The following KALRN variants were observed in gnomAD, a reference collection of about 807,000 sequenced individuals.
KALRN encodes the protein kalirin RhoGEF kinase, also known as kalirin.
Under a neutral mutation model 353.7 loss-of-function variants are expected in KALRN, and 70 were observed. The observed-to-expected ratio is 0.20, with a 90% CI of 0.16 to 0.24. The LOEUF (loss-of-function observed/expected upper bound fraction) is 0.24, where lower values mean the gene tolerates loss of function less well. Ranked by LOEUF, KALRN falls within the 10% of genes least tolerant of loss-of-function variation. KALRN has a pLI of 1.00. For missense variants in KALRN, 2,791 were observed against 3,756.7 expected (o/e 0.74, Z 6.72); for synonymous variants, 1,391 against 1,434.8 (o/e 0.97, Z 0.69).
At chr3:124,277,262 GC>G (rs1415597585) in intron 5 of KALRN, among the ~76,000 whole-genome samples, 17 of 152,204 alleles carry the variant, frequency 1.1e-4, no homozygotes, top group African/African-American at 4.1e-4. Flanking sequence ...GAAGGGCAAG[GC>G]CTTTACGGGG....
At chr3:124,601,884 G>T (rs1561392120) in intron 34 of KALRN, among the ~76,000 whole-genome samples, 2 of 151,810 alleles carry the variant, frequency 1.3e-5, no homozygotes, top group Non-Finnish European at 2.9e-5. Flanking sequence ...AAAATAGCTG[G>T]GTTTGGTGGC....
intron 2 of KALRN, among the ~76,000 whole-genome samples, chr3:124,228,383 C>T (rs6438834): frequency 0.099 from 15,075 of 152,202 alleles, 1,139 homozygotes; most frequent in African/African-American, 0.2. Context: ...GAGGTTTTAT[C>T]TGAGTTCATT....
rs557307368 is a variant in KALRN, at chr3:124,101,937, T to C, written c.73+68124T>C. Among the ~76,000 whole-genome samples, 51 of 152,284 alleles carry C rather than the reference T, an allele frequency of 3.3e-4. No individual in the cohort carries two copies. The Middle Eastern group carries it at 0.014, about 41-fold the overall frequency. On this transcript the variant is annotated intron_variant, in intron 1 of 59. Coordinates refer to ENST00000682506, the MANE Select transcript of KALRN (RefSeq NM_001388419.1). ...GCATATGTGTGCCCAGCATGATGTGTGGGTTCTTTGTGCCAACCTTTATGA... is the reference window on the plus strand; with the variant it reads ...GCATATGTGTGCCCAGCATGATGTGCGGGTTCTTTGTGCCAACCTTTATGA...
At chr3:124,290,224 A>G (rs1314535203) in intron 5 of KALRN, among the ~76,000 whole-genome samples, 2 of 152,182 alleles carry the variant, frequency 1.3e-5, no homozygotes, top group Non-Finnish European at 2.9e-5. Flanking sequence ...GACACTCATC[A>G]TGTCTGAAGC....
At chr3:124,688,788 A>C (rs2061677118) in intron 51 of KALRN, among the ~76,000 whole-genome samples, 1 of 152,230 alleles carries the variant, frequency 6.6e-6, no homozygotes. Flanking sequence ...TCTTAGAGTC[A>C]GTCAGACATT....
intron 1 of KALRN, among the ~76,000 whole-genome samples, chr3:124,053,799 AAT>A (rs1245065289): frequency 1.3e-5 from 2 of 152,354 alleles, no homozygotes; most frequent in African/African-American, 4.8e-5. Context: ...TTCTTGACAC[AAT>A]GTCATTTTTC....
chr3:124,185,701 T>C (rs1295926847), intron 1 of KALRN, among the ~76,000 whole-genome samples: 5 of 152,152 alleles, frequency 3.3e-5, no homozygotes, highest in African/African-American at 1.2e-4. Context: ...TGGCACCAGT[T>C]GTCCTCTGCC....
chr3:124,672,744 T>C (rs1365383150), intron 48 of KALRN, among the ~76,000 whole-genome samples: 1 of 152,214 alleles, frequency 6.6e-6, no homozygotes, highest in Non-Finnish European at 1.5e-5. Context: ...AAGTGCTAGA[T>C]TAGGAATCAG....
chr3:124,517,377 G>C (rs1428049965), intron 33 of KALRN, among the ~76,000 whole-genome samples: 1 of 152,250 alleles, frequency 6.6e-6, no homozygotes, highest in East Asian at 1.9e-4. Flanking sequence ...GAGAGTTTCA[G>C]ACTGTTTTTC....
Position 124,719,635 on chromosome 3 carries a change from A to G in KALRN, c.*165A>G, listed in dbSNP as rs2063312008. Reference sequence around the variant, plus strand: ...AGTGGTTATTCAGGGTCTGAGCAGCAGTAAAAGTCACCCTAAATCAAGGGG... The same window carrying G: ...AGTGGTTATTCAGGGTCTGAGCAGCGGTAAAAGTCACCCTAAATCAAGGGG... On this transcript the variant is annotated 3_prime_UTR_variant, in exon 60 of 60. Coordinates refer to ENST00000682506, the MANE Select transcript of KALRN (RefSeq NM_001388419.1). The surrounding 1 kb of genome is among the most constrained non-coding windows in gnomAD (Gnocchi z 5.3). 3 of 672,916 alleles carry G rather than the reference A, an allele frequency of 4.5e-6. No individual in the cohort carries two copies. Among genetic ancestry groups the G allele is most frequent in the Non-Finnish European group, 7.4e-6 (3 of 407,834 alleles). The allele number at this position is 672,916 out of a possible 1,614,324, so 41.7% of individuals were successfully genotyped here.
Position 124,347,272 on chromosome 3 carries a change from A to T in KALRN, c.1770+7A>T. The T allele has an allele frequency of 7.5e-7, 1 of 1,326,470 alleles. No homozygotes were observed. 82.2% of individuals were successfully genotyped at this position (1,326,470 alleles called of 1,614,324 possible). ...CTTTGAAGAGGTGGCTCAGGTGAGA[A>T]GCTGTGTGTGTGTGTGTGTGTGTGT... is the stretch of plus-strand genomic sequence containing the variant. On this transcript the variant is annotated splice_region_variant and intron_variant, in intron 10 of 59. Coordinates refer to ENST00000682506, the MANE Select transcript of KALRN (RefSeq NM_001388419.1).
intron 34 of KALRN, among the ~76,000 whole-genome samples, chr3:124,573,787 C>T (rs1009406043): frequency 2.0e-5 from 3 of 152,190 alleles, no homozygotes; most frequent in Admixed American, 6.5e-5. Flanking sequence ...CATCTGGCTC[C>T]GTGATTTCCC....
chr3:124,585,412 T>A (rs2075067498), intron 34 of KALRN, among the ~76,000 whole-genome samples: 1 of 152,218 alleles, frequency 6.6e-6, no homozygotes, highest in African/African-American at 2.4e-5. Context: ...GGAGCACATT[T>A]TTTTCTGCCT....
intron 34 of KALRN, among the ~76,000 whole-genome samples, chr3:124,589,194 G>T (rs1367856904): frequency 6.6e-6 from 1 of 152,088 alleles, no homozygotes; most frequent in Non-Finnish European, 1.5e-5. Context: ...TCTCTTCCTT[G>T]GTCCTTAAAT....
At chr3:124,381,069 G>A (rs1278433218) in intron 10 of KALRN, among the ~76,000 whole-genome samples, 2 of 152,202 alleles carry the variant, frequency 1.3e-5, no homozygotes, top group Non-Finnish European at 2.9e-5. Flanking sequence ...CTAGAAAGTA[G>A]CAGGTACCAT....
chr3:124,312,319 C>A lies in KALRN; in HGVS notation c.1092+13406C>A, dbSNP rs553498421. ...GGGATTACAGGCACCCGCCACCATG[C>A]CCGGCTAATTTTTGTATTTTTAGTA... On this transcript the variant is annotated intron_variant, in intron 6 of 59. Transcript: ENST00000682506. Among the ~76,000 whole-genome samples, 622 of 152,192 alleles carry A rather than the reference C, an allele frequency of 4.1e-3. 1 individual carries two copies. Among genetic ancestry groups the A allele is most frequent in the Non-Finnish European group, 6.7e-3 (456 of 68,014 alleles).
At chr3:124,687,272 G>T (rs185832624) in intron 51 of KALRN, among the ~76,000 whole-genome samples, 142 of 152,226 alleles carry the variant, frequency 9.3e-4, no homozygotes, top group Admixed American at 2.4e-3. Flanking sequence ...GTCATGGCTA[G>T]GTTGGAAATG....
intron 11 of KALRN, among the ~76,000 whole-genome samples, chr3:124,392,042 CT>C (rs955044763): frequency 1.3e-5 from 2 of 151,840 alleles, no homozygotes; most frequent in Non-Finnish European, 2.9e-5. Flanking sequence ...ACAAAAATAT[CT>C]TTTTTTTCCT....
intron 33 of KALRN, among the ~76,000 whole-genome samples, chr3:124,556,938 T>TA (rs1443000603): frequency 1.3e-5 from 2 of 152,230 alleles, no homozygotes; most frequent in Non-Finnish European, 2.9e-5. Context: ...CTTGTCCTCT[T>TA]AAAAAATTTT....
Sources: gnomAD v4.1 joint callset for allele counts (sites outside exome capture counted in the v4.1 genomes callset) on GRCh38, gnomAD v4.1.1 for gene constraint, Gnocchi (gnomAD v3.1) non-coding constraint, MANE v1.5 for transcripts, NCBI Gene and HGNC (gene_info 2026-07-23, HGNC 2026-07-21) for gene names.